The following ITSN2 variants were observed in gnomAD, a reference collection of about 807,000 sequenced individuals.
The protein encoded by ITSN2 is intersectin-2.
A neutral mutation model predicts 243.7 loss-of-function variants in ITSN2; 156 were observed. That is an observed-to-expected ratio of 0.64 (90% CI 0.56 to 0.73). The LOEUF (loss-of-function observed/expected upper bound fraction) is 0.73, where lower values mean the gene tolerates loss of function less well. Ranked by LOEUF, ITSN2 falls within the 30% of genes least tolerant of loss-of-function variation. The pLI is 0.00. For synonymous variants in ITSN2, 703 were observed against 699.9 expected, an observed-to-expected ratio of 1.00 and a Z score of -0.07; for missense variants, 1,801 against 1,996.1, an observed-to-expected ratio of 0.90 and a Z score of 1.86.
chr2:24,205,419 C>G, intron 37 of ITSN2, 122 bp from the exon 38 acceptor site: 2 of 776,820 alleles, frequency 2.6e-6, no homozygotes, highest in Non-Finnish European at 4.3e-6. Flanking sequence ...GGCCCAACAG[C>G]CCAGCATCTG....
intron 1 of ITSN2, among the ~76,000 whole-genome samples, chr2:24,338,442 C>CA (rs1276498471): frequency 1.3e-5 from 2 of 152,212 alleles, no homozygotes; most frequent in African/African-American, 4.8e-5. Flanking sequence ...ACCTTGGGCA[C>CA]ATGTTCTCAG....
At chr2:24,316,326 G>T (rs1446695214) in intron 2 of ITSN2, among the ~76,000 whole-genome samples, 2 of 152,088 alleles carry the variant, frequency 1.3e-5, no homozygotes, top group East Asian at 1.9e-4. Flanking sequence ...CTGTCACCAG[G>T]CTGGAGAGCA....
At chr2:24,271,280 T>C (rs956883918) in intron 19 of ITSN2, among the ~76,000 whole-genome samples, 1 of 152,130 alleles carries the variant, frequency 6.6e-6, no homozygotes, top group African/African-American at 2.4e-5. Flanking sequence ...AAGAATAAAA[T>C]TGTTTACTTT....
chr2:24,339,175 AAAG>A (rs1427661364), intron 1 of ITSN2, among the ~76,000 whole-genome samples: 2 of 152,154 alleles, frequency 1.3e-5, no homozygotes, highest in African/African-American at 2.4e-5. Context: ...ATGTAATTTC[AAAG>A]AAGTCACTTC....
intron 3 of ITSN2, among the ~76,000 whole-genome samples, chr2:24,314,698 T>C (rs934744028): frequency 3.3e-5 from 5 of 152,220 alleles, no homozygotes; most frequent in African/African-American, 1.2e-4. Flanking sequence ...AATCCCATTT[T>C]GGCTCTGGTG....
intron 29 of ITSN2, among the ~76,000 whole-genome samples, chr2:24,242,681 C>T (rs1459398710): frequency 6.6e-6 from 1 of 152,088 alleles, no homozygotes; most frequent in Admixed American, 6.6e-5. Context: ...ATCGGTACGC[C>T]TCACTTTCCT....
intron 8 of ITSN2, among the ~76,000 whole-genome samples, chr2:24,305,037 A>G (rs910452969): frequency 1.3e-5 from 2 of 152,156 alleles, no homozygotes; most frequent in Non-Finnish European, 2.9e-5. Context: ...TCTGTGAAAC[A>G]TTCTCTCTTA....
intron 2 of ITSN2, among the ~76,000 whole-genome samples, chr2:24,325,165 T>C (rs1409277962): frequency 1.3e-5 from 2 of 152,048 alleles, no homozygotes; most frequent in African/African-American, 4.8e-5. Flanking sequence ...ATCCAAGCAC[T>C]TTGGGAGGCT....
intron 37 of ITSN2, 190 bp from the exon 38 acceptor site, chr2:24,205,487 TTCTGCCCTGCCTGCTTTC>T (rs1668771591): frequency 3.7e-6 from 2 of 545,986 alleles, no homozygotes; most frequent in African/African-American, 1.9e-5. Flanking sequence ...TGCTTGCTCT[TTCTGCCCTGCCTGCTTTC>T]TCTGCCCGTC....
intron 13 of ITSN2, among the ~76,000 whole-genome samples, chr2:24,298,073 C>G (rs1259879336): frequency 6.6e-6 from 1 of 151,954 alleles, no homozygotes; most frequent in African/African-American, 2.4e-5. Flanking sequence ...CAACCTCCAC[C>G]TCCTGGGTTC....
intron 17 of ITSN2, among the ~76,000 whole-genome samples, chr2:24,283,311 G>A (rs1162553915): frequency 6.6e-6 from 1 of 151,734 alleles, no homozygotes; most frequent in Non-Finnish European, 1.5e-5. Flanking sequence ...TGCAACCTCC[G>A]CCTCCCGGGT....
At position 24,208,404 on chromosome 2, in the gene ITSN2, A is replaced by C. The variant is rs1669135811; in HGVS notation, c.4596-85T>G. ...CCCCAGAGCTCTGCACATGTTCTTC[A>C]GTCTTTTGCTAACCTCAACTTTCAC... On this transcript the variant is annotated intron_variant, in intron 36 of 39. Transcript: ENST00000355123. 5 of 986,368 alleles carry C rather than the reference A, an allele frequency of 5.1e-6. No homozygotes were observed. The Admixed American group carries it at 8.2e-5, about 16-fold the overall frequency. The allele number at this position is 986,368 out of a possible 1,614,324, so 61.1% of individuals were successfully genotyped here. A position where few individuals can be genotyped will look rare whatever the true frequency, so the allele number is the denominator to read the frequency against.
At chr2:24,284,409 T>C (rs1201836821) in intron 17 of ITSN2, among the ~76,000 whole-genome samples, 1 of 152,174 alleles carries the variant, frequency 6.6e-6, no homozygotes, top group African/African-American at 2.4e-5. Context: ...TGATTTTCAG[T>C]GATATGGGTA....
chr2:24,351,434 G>T (rs1381687906), intron 1 of ITSN2, among the ~76,000 whole-genome samples: 1 of 152,120 alleles, frequency 6.6e-6, no homozygotes, highest in Non-Finnish European at 1.5e-5. Flanking sequence ...CCAGCAACTT[G>T]AGTTTGAATC....
intron 29 of ITSN2, 167 bp from the exon 30 acceptor site, chr2:24,221,233 T>C (rs911401682): frequency 1.6e-6 from 1 of 630,182 alleles, no homozygotes; most frequent in Non-Finnish European, 2.6e-6. Flanking sequence ...CGCGGAGAGT[T>C]GGCATTAATG....
At chr2:24,209,003 T>A in intron 36 of ITSN2, 97 bp downstream of exon 36, 2 of 1,381,960 alleles carry the variant, frequency 1.4e-6, no homozygotes, top group Non-Finnish European at 2.0e-6. Flanking sequence ...ACAGAATTAG[T>A]GGGGCTTAAG....
rs912099835 is a variant in ITSN2, at chr2:24,211,509, C to T, written c.4090-562G>A. 2.0e-5 allele frequency among the ~76,000 whole-genome samples: 3 copies of T among 152,196 alleles called. No homozygotes were observed. The highest frequency in any genetic ancestry group is 1.3e-4 in the Admixed American group (2 of 15,286). On this transcript the variant is annotated intron_variant, in intron 33 of 39. Transcript: ENST00000355123. The surrounding 1 kb of genome is among the most constrained non-coding windows in gnomAD (Gnocchi z 4.1). The stretch of plus-strand genomic sequence containing the variant: ...ACGACGCATGCTGCAACTGTGAACG[C>T]GCAGAGGCCAGAATACAAACGTGTG...
chr2:24,338,344 T>C (rs1306885244), intron 1 of ITSN2, among the ~76,000 whole-genome samples: 1 of 152,214 alleles, frequency 6.6e-6, no homozygotes, highest in East Asian at 1.9e-4. Context: ...GTCCCACCTT[T>C]CTGGATGGAA....
intron 2 of ITSN2, among the ~76,000 whole-genome samples, chr2:24,325,385 G>A (rs1685057831): frequency 6.6e-6 from 1 of 152,048 alleles, no homozygotes; most frequent in Non-Finnish European, 1.5e-5. Context: ...ACTCCAACCT[G>A]GGCAACAGAG....
Sources: allele counts gnomAD v4.1 joint callset (sites outside exome capture counted in the v4.1 genomes callset), GRCh38; gene constraint gnomAD v4.1.1; non-coding constraint Gnocchi (gnomAD v3.1); transcripts MANE v1.5; gene names NCBI Gene and HGNC (gene_info 2026-07-23, HGNC 2026-07-21).